Variants in PMFBP1 observed in about 807,000 individuals in gnomAD.
PMFBP1 encodes the protein polyamine modulated factor 1 binding protein 1.
Under a neutral mutation model 137.8 loss-of-function variants are expected in PMFBP1, and 131 were observed. The observed-to-expected ratio is 0.95, with a 90% confidence interval of 0.82 to 1.10. The LOEUF is 1.10. Among genes scored for constraint, PMFBP1 ranks in the 50% least tolerant of loss-of-function variants. PMFBP1 has a pLI of 0.00. For synonymous variants in PMFBP1, 490 were observed against 450.4 expected, an observed-to-expected ratio of 1.09 and a Z score of -1.11; for missense variants, 1,199 against 1,175.4, an observed-to-expected ratio of 1.02 and a Z score of -0.29.
At chr16:72,144,394 G>T (rs1567631293) in intron 5 of PMFBP1, among the ~76,000 whole-genome samples, 1 of 152,128 alleles carries the variant, frequency 6.6e-6, no homozygotes, top group Non-Finnish European at 1.5e-5. Context: ...ACCAGTTAAA[G>T]TCACTAAAAA....
chr16:72,171,094 A>G (rs2043214154), intron 2 of PMFBP1, 103 bp downstream of exon 2: 2 of 1,364,100 alleles, frequency 1.5e-6, no homozygotes, highest in Admixed American at 3.5e-5. Context: ...TGTCCATGAT[A>G]TTTTGTGATG....
At chr16:72,135,854 A>G (rs1438218117) in intron 9 of PMFBP1, among the ~76,000 whole-genome samples, 1 of 142,094 alleles carries the variant, frequency 7.0e-6, no homozygotes, top group Non-Finnish European at 1.5e-5. Context: ...CAAGGGGCTC[A>G]TGTGATCCTG....
intron 5 of PMFBP1, among the ~76,000 whole-genome samples, chr16:72,149,533 G>C (rs559127639): frequency 6.6e-6 from 1 of 152,274 alleles, no homozygotes; most frequent in South Asian, 2.1e-4. Context: ...GTCAAGATGT[G>C]CAGTTTAGGC....
rs370791451 is a variant in PMFBP1, at chr16:72,119,951, C to T, written c.2907G>A (p.Gln969=). Residue 969 remains glutamine, a synonymous_variant, in exon 20 of 21, where the codon CAG becomes CAA. Coordinates refer to ENST00000237353, the MANE Select transcript of PMFBP1 (RefSeq NM_031293.3). ...ALGPSRTEST[Q]REKVCGTLGW... Reference sequence around the variant, plus strand: ...CCAAGGTGCCGCACACTTTCTCCCTCTGTGTGGACTCCGTTCTGCTCGGGC... The same window carrying T: ...CCAAGGTGCCGCACACTTTCTCCCTTTGTGTGGACTCCGTTCTGCTCGGGC... 1.2e-6 allele frequency: 2 copies of T among 1,614,238 alleles called. No individual in the cohort carries two copies. Among genetic ancestry groups the T allele is most frequent in the Admixed American group, 3.3e-5 (2 of 60,026 alleles).
At chr16:72,228,338 A>C in the PMFBP1 span, among the ~76,000 whole-genome samples, 1 of 152,168 alleles carries the variant, frequency 6.6e-6, no homozygotes, top group East Asian at 1.9e-4. Flanking sequence ...AAAGACCCCG[A>C]TGCAGTTTAT....
intron 7 of PMFBP1, among the ~76,000 whole-genome samples, chr16:72,138,206 T>C (rs1488416127): frequency 3.9e-5 from 6 of 152,154 alleles, no homozygotes; most frequent in African/African-American, 1.4e-4. Flanking sequence ...AACTACAAAG[T>C]TCAATATTGA....
intron 17 of PMFBP1, among the ~76,000 whole-genome samples, chr16:72,124,452 C>T (rs889078577): frequency 6.6e-6 from 1 of 152,212 alleles, no homozygotes; most frequent in Non-Finnish European, 1.5e-5. Context: ...ACTGTAGGGT[C>T]CAGGGCTGCC....
chr16:72,226,614 G>T, the PMFBP1 span, among the ~76,000 whole-genome samples: 1 of 152,048 alleles, frequency 6.6e-6, no homozygotes, highest in South Asian at 2.1e-4. Flanking sequence ...TTGTTTCTTT[G>T]TAAGAATTTT....
At chr16:72,231,201 C>T in the PMFBP1 span, among the ~76,000 whole-genome samples, 7 of 152,070 alleles carry the variant, frequency 4.6e-5, no homozygotes, top group South Asian at 2.1e-4. Flanking sequence ...TCTTTGTGAA[C>T]GTGGCAGGCA....
the PMFBP1 span, among the ~76,000 whole-genome samples, chr16:72,204,208 G>A: frequency 8.4e-5 from 12 of 143,586 alleles, no homozygotes; most frequent in African/African-American, 3.0e-4. Flanking sequence ...TTTTTTTTGA[G>A]ACAGGGTCTT....
At chr16:72,240,648 A>C in the PMFBP1 span, among the ~76,000 whole-genome samples, 1 of 152,200 alleles carries the variant, frequency 6.6e-6, no homozygotes, top group African/African-American at 2.4e-5. Flanking sequence ...GTAGAGGCTT[A>C]ATTCTTTTAA....
At chr16:72,200,815 C>T in the PMFBP1 span, among the ~76,000 whole-genome samples, 2 of 152,126 alleles carry the variant, frequency 1.3e-5, no homozygotes, top group Non-Finnish European at 2.9e-5. Context: ...AAATTTGGAT[C>T]TAGAAAGGTT....
intron 19 of PMFBP1, 107 bp from the exon 20 acceptor site, chr16:72,120,196 C>G (rs966050592): frequency 6.4e-7 from 1 of 1,558,520 alleles, no homozygotes; most frequent in Non-Finnish European, 8.7e-7. Flanking sequence ...GCACAGATGC[C>G]CAGGTCTGTT....
At chr16:72,187,704 C>G in the PMFBP1 span, among the ~76,000 whole-genome samples, 1 of 152,144 alleles carries the variant, frequency 6.6e-6, no homozygotes, top group Non-Finnish European at 1.5e-5. Context: ...CTCCCACTGC[C>G]GAAGGGTGTT....
chr16:72,165,050 C>T, intron 2 of PMFBP1, 134 bp from the exon 3 acceptor site: 2 of 876,440 alleles, frequency 2.3e-6, no homozygotes, highest in Non-Finnish European at 3.3e-6. Flanking sequence ...TATTACTCAT[C>T]CTGTGTAACA....
intron 5 of PMFBP1, among the ~76,000 whole-genome samples, chr16:72,142,099 A>T (rs55650325): frequency 0.016 from 2,431 of 152,160 alleles, 27 homozygotes; most frequent in Non-Finnish European, 0.024. Context: ...TTTTCAGGCA[A>T]AGTTAGGAAT....
chr16:72,195,981 ATGTGTGTG>A, the PMFBP1 span, among the ~76,000 whole-genome samples: 21,917 of 144,874 alleles, frequency 0.15, 1,686 homozygotes, highest in Middle Eastern at 0.22. Flanking sequence ...AGCTTACAGA[ATGTGTGTG>A]TGTGTGTGTG....
upstream of PMFBP1, among the ~76,000 whole-genome samples, chr16:72,181,456 T>C (rs2043276130): frequency 6.6e-6 from 1 of 152,156 alleles, no homozygotes; most frequent in South Asian, 2.1e-4. Context: ...TTTCTCCCTA[T>C]ACTACTGTCC....
chr16:72,120,104 G>A lies in PMFBP1; in HGVS notation c.2769-15C>T. The A allele has an allele frequency of 6.2e-7, 1 of 1,614,158 alleles. No homozygotes were observed. Among genetic ancestry groups the A allele is most frequent in the Non-Finnish European group, 8.5e-7 (1 of 1,180,040 alleles). ...TGTGGAGGTGGCTGTGGGAAGGAGA[G>A]GAAGGACGGGTTGTGTTGGGGCTGC... On this transcript the variant is annotated splice_polypyrimidine_tract_variant and intron_variant, in intron 19 of 20. Coordinates refer to ENST00000237353, the MANE Select transcript of PMFBP1 (RefSeq NM_031293.3).
Sources: allele counts gnomAD v4.1 joint callset (sites outside exome capture counted in the v4.1 genomes callset), GRCh38; gene constraint gnomAD v4.1.1; transcripts MANE v1.5; gene names NCBI Gene and HGNC (gene_info 2026-07-23, HGNC 2026-07-21).